Variants in ZFP91 observed in about 807,000 individuals in gnomAD.
The protein encoded by ZFP91 is E3 ubiquitin-protein ligase ZFP91.
A neutral mutation model predicts 63.5 loss-of-function variants in ZFP91; 7 were observed. That is an observed-to-expected ratio of 0.11 (90% CI 0.06 to 0.21). The LOEUF (loss-of-function observed/expected upper bound fraction) is 0.21. Among genes scored for constraint, ZFP91 ranks in the 10% least tolerant of loss-of-function variants. ZFP91 has a pLI of 1.00. For missense variants in ZFP91, 628 were observed against 736.6 expected, an observed-to-expected ratio of 0.85 and a Z score of 1.71; for synonymous variants, 330 against 272.1, an observed-to-expected ratio of 1.21 and a Z score of -2.10.
intron 2 of ZFP91, among the ~76,000 whole-genome samples, chr11:58,604,624 T>C (rs539966018): frequency 1.8e-4 from 27 of 152,372 alleles, no homozygotes; most frequent in Admixed American, 1.5e-3. Context: ...TTTGTGTCTT[T>C]GGATCTAAAG....
rs1855830238 is a variant in ZFP91, at chr11:58,620,460, G to A, written c.*2754G>A. On this transcript the variant is annotated 3_prime_UTR_variant, in exon 11 of 11. Coordinates refer to ENST00000316059, the MANE Select transcript of ZFP91 (RefSeq NM_053023.5). ...TTCTAAATTCTGAAACTGTAGTTGA[G>A]ATACAGCTATTTAATATTTCTGGGA... The A allele has an allele frequency of 6.6e-6, 1 of 152,508 alleles. No individual in the cohort carries two copies. Among genetic ancestry groups the A allele is most frequent in the Non-Finnish European group, 1.5e-5 (1 of 68,026 alleles). 9.4% of individuals were successfully genotyped at this position (152,508 alleles called of 1,614,324 possible).
In ZFP91 at chr11:58,619,418, T is replaced by G. The variant is rs1437870368; in HGVS notation, c.*1712T>G. On this transcript the variant is annotated 3_prime_UTR_variant, in exon 11 of 11. Coordinates refer to ENST00000316059, the MANE Select transcript of ZFP91 (RefSeq NM_053023.5). ...TGCCTCAGAAGCTAGAATCGAAGGC[T>G]TACCCTATTCATTGTTTATTGTCAG... 6.6e-6 allele frequency: 1 copy of G among 152,210 alleles called. No homozygotes were observed. Among genetic ancestry groups the G allele is most frequent in the Non-Finnish European group, 1.5e-5 (1 of 68,026 alleles). 9.4% of individuals were successfully genotyped at this position (152,210 alleles called of 1,614,324 possible).
At chr11:58,584,412 A>G (rs1340967247) in intron 1 of ZFP91, among the ~76,000 whole-genome samples, 1 of 152,108 alleles carries the variant, frequency 6.6e-6, no homozygotes, top group Admixed American at 6.5e-5. Flanking sequence ...TGGCAGAAGT[A>G]TTTTGGAGCA....
chr11:58,579,325 A>C lies in ZFP91; in HGVS notation c.44A>C (p.Asp15Ala). 6.7e-7 allele frequency: 1 copy of C among 1,493,988 alleles called. No homozygotes were observed. Among genetic ancestry groups the C allele is most frequent in the Non-Finnish European group, 8.9e-7 (1 of 1,126,190 alleles). 92.5% of individuals were successfully genotyped at this position (1,493,988 alleles called of 1,614,324 possible). Residue 15 changes from aspartate (D) to alanine (A), a missense_variant, in exon 1 of 11, where the codon GAC becomes GCC. Physicochemically the swap from Asp to Ala is moderately radical, Grantham distance 126. Around this residue, in one of 3 missense-constraint regions of ZFP91, gnomAD observed 437 missense variants for 380.3 expected, o/e 1.15. Coordinates refer to ENST00000316059, the MANE Select transcript of ZFP91 (RefSeq NM_053023.5). ...GAGCCGAGACCCCCGGAGCAGCAGG[A>C]CCAGGAAGGGGGAGAGGCGGCCAAG... ...TEEPRPPEQQ[D>A]QEGGEAAKAA...
At chr11:58,613,960 T>C (rs1474173502) in intron 8 of ZFP91, among the ~76,000 whole-genome samples, 1 of 152,188 alleles carries the variant, frequency 6.6e-6, no homozygotes, top group East Asian at 1.9e-4. Context: ...TTGAGATGGT[T>C]ATTGTTACCT....
At chr11:58,606,836 T>C (rs1255479035) in intron 2 of ZFP91, among the ~76,000 whole-genome samples, 3 of 152,226 alleles carry the variant, frequency 2.0e-5, no homozygotes, top group Non-Finnish European at 4.4e-5. Context: ...TTATAACCTT[T>C]AACTATTGTT....
chr11:58,585,521 T>C (rs1387375418), intron 2 of ZFP91, among the ~76,000 whole-genome samples: 1 of 152,228 alleles, frequency 6.6e-6, no homozygotes, highest in Non-Finnish European at 1.5e-5. Context: ...TTCCTTGATG[T>C]TAAATTCAAA....
chr11:58,593,247 A>G (rs1019279907), intron 2 of ZFP91, among the ~76,000 whole-genome samples: 1 of 152,184 alleles, frequency 6.6e-6, no homozygotes, highest in Non-Finnish European at 1.5e-5. Context: ...ATGAAACTCT[A>G]AGTTTATCTG....
rs777320245 is a variant in ZFP91, at chr11:58,616,500, G to GT, written c.1103-207dup. On this transcript the variant is annotated intron_variant, in intron 9 of 10. Coordinates refer to ENST00000316059, the MANE Select transcript of ZFP91 (RefSeq NM_053023.5). ...TTATCTAGTTTTTCTGTTTGTTTTT[G>GT]TTTTTTTTTAAACAGGTCCTTATGC... Among the ~76,000 whole-genome samples, 178 of 150,036 alleles carry GT rather than the reference G, an allele frequency of 1.2e-3. 1 individual carries two copies. Among genetic ancestry groups the GT allele is most frequent in the Non-Finnish European group, 1.8e-3 (124 of 67,354 alleles).
chr11:58,621,156 G>A lies in ZFP91; in HGVS notation c.*3450G>A, dbSNP rs1485725906. 6.6e-6 allele frequency: 1 copy of A among 151,072 alleles called. No individual in the cohort carries two copies. The highest frequency in any genetic ancestry group is 1.5e-5 in the Non-Finnish European group (1 of 67,750). 9.4% of individuals were successfully genotyped at this position (151,072 alleles called of 1,614,324 possible). A position where few individuals can be genotyped will look rare whatever the true frequency, so the allele number is the denominator to read the frequency against. On this transcript the variant is annotated 3_prime_UTR_variant, in exon 11 of 11. Coordinates refer to ENST00000316059, the MANE Select transcript of ZFP91 (RefSeq NM_053023.5). Reference sequence around the variant, plus strand: ...CAGGTGTTATGTGGGGCATACTATTGTTTGCTTTTGTTGAGAATCAGGTGG... The same window carrying A: ...CAGGTGTTATGTGGGGCATACTATTATTTGCTTTTGTTGAGAATCAGGTGG...
At chr11:58,590,951 C>T (rs1242453975) in intron 2 of ZFP91, among the ~76,000 whole-genome samples, 1 of 150,998 alleles carries the variant, frequency 6.6e-6, no homozygotes, top group Non-Finnish European at 1.5e-5. Flanking sequence ...TTAGAGAAAT[C>T]CTATTAAAAT....
At chr11:58,590,206 G>A (rs896809653) in intron 2 of ZFP91, among the ~76,000 whole-genome samples, 2 of 152,176 alleles carry the variant, frequency 1.3e-5, no homozygotes, top group Non-Finnish European at 2.9e-5. Flanking sequence ...GAGCCTTAGT[G>A]GATAAGAATC....
At chr11:58,585,261 C>G (rs1201815975) in intron 2 of ZFP91, among the ~76,000 whole-genome samples, 1 of 152,086 alleles carries the variant, frequency 6.6e-6, no homozygotes, top group Non-Finnish European at 1.5e-5. Flanking sequence ...TCTAAGAATT[C>G]AGCCTGGTGA....
rs193127068 is a variant in ZFP91 at position 58,585,036 on chromosome 11, C to T, written c.370+152C>T. ...GTTAGAAAATATTTAGACGACAGCA[C>T]GTTTGGATAATAGAGTATATTGGCA... is the stretch of plus-strand genomic sequence containing the variant. On this transcript the variant is annotated intron_variant, in intron 2 of 10. Transcript: ENST00000316059. The T allele has an allele frequency of 5.2e-5, 30 of 576,640 alleles. No individual in the cohort carries two copies. In the African/African-American group the frequency reaches 5.5e-4, roughly 11 times the overall value. The allele number at this position is 576,640 out of a possible 1,614,324, so 35.7% of individuals were successfully genotyped here.
intron 2 of ZFP91, among the ~76,000 whole-genome samples, chr11:58,602,985 A>G (rs1003310055): frequency 6.6e-6 from 1 of 152,226 alleles, no homozygotes; most frequent in African/African-American, 2.4e-5. Flanking sequence ...GTCTCAAAAA[A>G]AAAGAAAAGA....
chr11:58,593,439 G>A (rs545950233), intron 2 of ZFP91, among the ~76,000 whole-genome samples: 15 of 152,100 alleles, frequency 9.9e-5, no homozygotes, highest in Non-Finnish European at 1.5e-4. Context: ...TGTCTTTCAT[G>A]CCCCAGAAAA....
chr11:58,608,589 C>G (rs1855606070), intron 2 of ZFP91, among the ~76,000 whole-genome samples: 1 of 151,856 alleles, frequency 6.6e-6, no homozygotes, highest in African/African-American at 2.4e-5. Context: ...GTGGATTGAG[C>G]TTTGAGCTTT....
intron 9 of ZFP91, among the ~76,000 whole-genome samples, chr11:58,616,357 GT>G (rs1292861814): frequency 1.3e-5 from 2 of 151,784 alleles, no homozygotes; most frequent in African/African-American, 4.8e-5. Context: ...GAAAAAAATT[GT>G]TTACTCCTTA....
rs143676081 is a variant in ZFP91 at position 58,617,070 on chromosome 11, T to TTGTGTGTGTG, written c.1203-106_1203-97dup. 5.5e-3 allele frequency: 4,102 copies of TTGTGTGTGTG among 740,248 alleles called. 16 individuals carry two copies. The highest frequency in any genetic ancestry group is 0.011 in the African/African-American group (628 of 54,934). The allele number at this position is 740,248 out of a possible 1,614,324, so 45.9% of individuals were successfully genotyped here. A position where few individuals can be genotyped will look rare whatever the true frequency, so the allele number is the denominator to read the frequency against. ...TTCAAAAGAAGTATGTTACTGATTATTGTGTGTGTGTGTGTGTGTGTGTGT... is the reference window on the plus strand; with the variant it reads ...TTCAAAAGAAGTATGTTACTGATTATTGTGTGTGTGTGTGTGTGTGTGTGTGTGTGTGTGT... On this transcript the variant is annotated intron_variant, in intron 10 of 10. Transcript: ENST00000316059. The surrounding 1 kb of genome is among the most constrained non-coding windows in gnomAD (Gnocchi z 4.2).
Sources: allele counts gnomAD v4.1 joint callset (sites outside exome capture counted in the v4.1 genomes callset), GRCh38; gene constraint gnomAD v4.1.1; regional missense constraint gnomAD v4.1.1; non-coding constraint Gnocchi (gnomAD v3.1); transcripts MANE v1.5; gene names NCBI Gene and HGNC (gene_info 2026-07-23, HGNC 2026-07-21).